Variants in TRHR observed in about 807,000 individuals in gnomAD.
The protein encoded by TRHR is thyrotropin releasing hormone receptor.
A neutral mutation model predicts 28.0 loss-of-function variants in TRHR; 14 were observed. That is an observed-to-expected ratio of 0.50 (90% CI 0.33 to 0.78). The LOEUF is 0.78. Among genes scored for constraint, TRHR ranks in the 30% least tolerant of loss-of-function variants. The probability of loss-of-function intolerance (pLI) is 0.02; values close to 1 mark genes in which losing one functional copy is unlikely to be tolerated. For synonymous variants in TRHR, 176 were observed against 171.9 expected, an observed-to-expected ratio of 1.02 and a Z score of -0.18; for missense variants, 438 against 469.5, an observed-to-expected ratio of 0.93 and a Z score of 0.62.
At chr8:109,118,787 G>A (rs1563628783) in intron 2 of TRHR, among the ~76,000 whole-genome samples, 1 of 151,818 alleles carries the variant, frequency 6.6e-6, no homozygotes, top group East Asian at 1.9e-4. Flanking sequence ...TGCATTACTT[G>A]AGCCAGAGTT....
At chr8:109,112,660 C>A (rs938958734) in intron 2 of TRHR, among the ~76,000 whole-genome samples, 17 of 152,062 alleles carry the variant, frequency 1.1e-4, no homozygotes, top group African/African-American at 3.9e-4. Context: ...TGATTTCTGG[C>A]AACAATATTA....
intron 2 of TRHR, 54 bp from the exon 3 acceptor site, chr8:109,118,994 T>G: frequency 6.2e-7 from 1 of 1,606,830 alleles, no homozygotes; most frequent in Non-Finnish European, 8.5e-7. Context: ...AGAAAGGGGG[T>G]TTTGTTTTGT....
intron 2 of TRHR, 77 bp downstream of exon 2, chr8:109,088,378 CT>C: frequency 6.6e-7 from 1 of 1,505,230 alleles, no homozygotes; most frequent in Non-Finnish European, 9.1e-7. Context: ...CAACTTTTCC[CT>C]GTTTAGCTGA....
intron 2 of TRHR, among the ~76,000 whole-genome samples, chr8:109,098,308 T>G (rs1175785211): frequency 6.6e-6 from 1 of 151,930 alleles, no homozygotes; most frequent in Non-Finnish European, 1.5e-5. Context: ...TTTGTTCATT[T>G]TTGTATAAAG....
intron 2 of TRHR, among the ~76,000 whole-genome samples, chr8:109,113,587 C>A (rs1811872401): frequency 6.6e-6 from 1 of 152,040 alleles, no homozygotes. Flanking sequence ...CTGAATAAAG[C>A]ATGGAGCTAA....
intron 2 of TRHR, among the ~76,000 whole-genome samples, chr8:109,116,607 A>T (rs144442943): frequency 4.6e-5 from 7 of 152,000 alleles, no homozygotes; most frequent in African/African-American, 1.7e-4. Context: ...TTTATAGTAC[A>T]TTCTGATGGT....
intron 2 of TRHR, among the ~76,000 whole-genome samples, chr8:109,107,129 AAGTT>A (rs1055305823): frequency 9.9e-5 from 15 of 152,174 alleles, no homozygotes; most frequent in African/African-American, 3.4e-4. Flanking sequence ...AATACGATAA[AAGTT>A]AAATAATTCA....
intron 2 of TRHR, among the ~76,000 whole-genome samples, chr8:109,113,919 T>C (rs1811876626): frequency 2.0e-5 from 3 of 152,008 alleles, no homozygotes; most frequent in African/African-American, 7.2e-5. Context: ...ATACGCAGGG[T>C]TGAACTGCAT....
At chr8:109,107,562 T>C (rs141777237) in intron 2 of TRHR, among the ~76,000 whole-genome samples, 2 of 152,310 alleles carry the variant, frequency 1.3e-5, no homozygotes, top group Non-Finnish European at 2.9e-5. Context: ...GCAGTAATAA[T>C]CTGTGTTGAA....
intron 2 of TRHR, among the ~76,000 whole-genome samples, chr8:109,109,181 C>T (rs891121247): frequency 1.3e-5 from 2 of 152,132 alleles, no homozygotes; most frequent in African/African-American, 2.4e-5. Flanking sequence ...TGCTCCCCTC[C>T]CACATACGAC....
chr8:109,096,432 A>G (rs558738530), intron 2 of TRHR, among the ~76,000 whole-genome samples: 1 of 152,182 alleles, frequency 6.6e-6, no homozygotes, highest in Non-Finnish European at 1.5e-5. Flanking sequence ...CTTGGTCCTC[A>G]TAATTGGTAG....
chr8:109,087,758 C>G lies in TRHR; in HGVS notation c.246C>G (p.Asn82Lys). ...LMVLVAAGLP[N>K]ITDSIYGSWV... Reference sequence around the variant, plus strand: ...TCTTGGTGGCCGCAGGCCTCCCCAACATAACAGACAGTATCTACGGTTCCT... The same window carrying G: ...TCTTGGTGGCCGCAGGCCTCCCCAAGATAACAGACAGTATCTACGGTTCCT... Residue 82 changes from asparagine to lysine, a missense_variant, in exon 2 of 3, where the codon AAC (asparagine) becomes AAG (lysine). Coordinates refer to ENST00000518632, the MANE Select transcript of TRHR (RefSeq NM_003301.7). 4 of 1,614,152 alleles carry G rather than the reference C, an allele frequency of 2.5e-6. No individual in the cohort carries two copies. Among genetic ancestry groups the G allele is most frequent in the Non-Finnish European group, 3.4e-6 (4 of 1,180,044 alleles).
In TRHR at chr8:109,119,309, G is replaced by C; in HGVS notation, c.1051G>C (p.Ala351Pro). Residue 351 changes from alanine to proline, a missense_variant, in exon 3 of 3, where the codon GCC becomes CCC. Coordinates refer to ENST00000518632, the MANE Select transcript of TRHR (RefSeq NM_003301.7). ...PTEKPANYSV[A>P]LNYSVIKESD... is the part of the protein sequence containing the mutation. The stretch of plus-strand genomic sequence containing the variant: ...AGAGAAACCTGCTAACTACAGTGTG[G>C]CCCTAAATTACAGCGTCATCAAGGA... The C allele has an allele frequency of 6.2e-7, 1 of 1,612,530 alleles. No individual in the cohort carries two copies. Among genetic ancestry groups the C allele is most frequent in the Non-Finnish European group, 8.5e-7 (1 of 1,179,140 alleles).
intron 2 of TRHR, among the ~76,000 whole-genome samples, chr8:109,088,859 G>C (rs1228138999): frequency 6.6e-6 from 1 of 152,010 alleles, no homozygotes; most frequent in Non-Finnish European, 1.5e-5. Context: ...CTCTCCTCCA[G>C]CTCCCTACAC....
At chr8:109,102,954 G>A (rs1305759152) in intron 2 of TRHR, among the ~76,000 whole-genome samples, 1 of 152,060 alleles carries the variant, frequency 6.6e-6, no homozygotes, top group Non-Finnish European at 1.5e-5. Context: ...TGCAGCCAGG[G>A]ACACACCCAA....
intron 2 of TRHR, among the ~76,000 whole-genome samples, chr8:109,103,333 T>C (rs568289866): frequency 6.6e-5 from 10 of 152,256 alleles, no homozygotes; most frequent in African/African-American, 2.4e-4. Flanking sequence ...AGAAACACAT[T>C]TAGAAGCAAT....
At chr8:109,115,824 C>T (rs1474027921) in intron 2 of TRHR, among the ~76,000 whole-genome samples, 2 of 152,046 alleles carry the variant, frequency 1.3e-5, no homozygotes, top group Non-Finnish European at 2.9e-5. Flanking sequence ...ATTGCCCTGG[C>T]CAGAACTTCC....
chr8:109,116,749 T>C lies in TRHR; in HGVS notation c.790-2299T>C, dbSNP rs566695935. ...AAATAATTCCTTCCATGCCTGAATG[T>C]ATTCAAGTTTTTTCTTAGGGCCACT... is the stretch of plus-strand genomic sequence containing the variant. On this transcript the variant is annotated intron_variant, in intron 2 of 2. Coordinates refer to ENST00000518632, the MANE Select transcript of TRHR (RefSeq NM_003301.7). 9.1e-4 allele frequency among the ~76,000 whole-genome samples: 139 copies of C among 152,114 alleles called. 2 individuals are homozygous for C. Among genetic ancestry groups the C allele is most frequent in the Non-Finnish European group, 1.2e-3 (80 of 67,936 alleles).
chr8:109,102,353 G>A (rs916345043), intron 2 of TRHR, among the ~76,000 whole-genome samples: 5 of 152,232 alleles, frequency 3.3e-5, no homozygotes, highest in South Asian at 2.1e-4. Flanking sequence ...TATTGATGGC[G>A]CATGGTTCCT....
Sources: allele counts gnomAD v4.1 joint callset (sites outside exome capture counted in the v4.1 genomes callset), GRCh38; gene constraint gnomAD v4.1.1; transcripts MANE v1.5; gene names NCBI Gene and HGNC (gene_info 2026-07-23, HGNC 2026-07-21).